RFX3: variants seen among roughly 807,000 people sequenced by gnomAD.
RFX3 encodes the protein transcription factor RFX3.
RFX3 carries 14 observed loss-of-function variants against 98.6 expected under a neutral mutation model. The observed-to-expected ratio is 0.14, with a 90% CI of 0.09 to 0.22. The LOEUF is 0.22. RFX3 is among the 10% of genes least tolerant of loss of function. The pLI is 1.00. For synonymous variants in RFX3, 383 were observed against 328.4 expected, an observed-to-expected ratio of 1.17 and a Z score of -1.80; for missense variants, 639 against 926.9, an observed-to-expected ratio of 0.69 and a Z score of 4.03.
At chr9:3,393,701 G>T (rs1164960662) in intron 2 of RFX3, among the ~76,000 whole-genome samples, 2 of 147,268 alleles carry the variant, frequency 1.4e-5, no homozygotes, top group Admixed American at 1.3e-4. Context: ...TCACCATTGT[G>T]AAGATTCATT....
intron 12 of RFX3, among the ~76,000 whole-genome samples, chr9:3,263,463 G>C (rs1192454741): frequency 6.6e-6 from 1 of 151,932 alleles, no homozygotes; most frequent in Non-Finnish European, 1.5e-5. Flanking sequence ...GTAGAAACTA[G>C]GCAAATTTTA....
intron 6 of RFX3, among the ~76,000 whole-genome samples, chr9:3,288,877 T>C (rs1826974414): frequency 6.6e-6 from 1 of 152,104 alleles, no homozygotes; most frequent in Non-Finnish European, 1.5e-5. Flanking sequence ...GTTTCTGTTT[T>C]TATGGATTTG....
chr9:3,314,699 CA>C (rs950716224), intron 4 of RFX3, among the ~76,000 whole-genome samples: 2,889 of 142,988 alleles, frequency 0.02, 43 homozygotes, highest in African/African-American at 0.031. Context: ...AAATGGAAAA[CA>C]AAAAAAAAAG....
intron 1 of RFX3, among the ~76,000 whole-genome samples, chr9:3,469,944 C>T (rs1243361000): frequency 1.3e-5 from 2 of 152,028 alleles, no homozygotes; most frequent in African/African-American, 4.8e-5. Context: ...CTCCAAGATG[C>T]TGATTTGCCA....
At chr9:3,266,533 G>A (rs561266304) in intron 11 of RFX3, among the ~76,000 whole-genome samples, 3 of 151,796 alleles carry the variant, frequency 2.0e-5, no homozygotes, top group East Asian at 3.9e-4. Context: ...TACTTATGAC[G>A]CTTTTTTGGG....
chr9:3,485,674 C>G (rs565517631), intron 1 of RFX3, among the ~76,000 whole-genome samples: 9 of 152,242 alleles, frequency 5.9e-5, no homozygotes, highest in African/African-American at 2.2e-4. Context: ...TAATTTTTAT[C>G]TTAGTTTATC....
At chr9:3,332,114 T>C (rs556745967) in intron 3 of RFX3, among the ~76,000 whole-genome samples, 1 of 152,336 alleles carries the variant, frequency 6.6e-6, no homozygotes, top group East Asian at 1.9e-4. Context: ...AATTTTCCAA[T>C]TCTCTTTTCC....
intron 1 of RFX3, among the ~76,000 whole-genome samples, chr9:3,405,052 T>C (rs971875155): frequency 6.6e-6 from 1 of 152,222 alleles, no homozygotes; most frequent in African/African-American, 2.4e-5. Context: ...CTCATTGTAC[T>C]ATCAAATTAC....
chr9:3,518,752 G>A (rs1372378185), intron 1 of RFX3, among the ~76,000 whole-genome samples: 4 of 152,068 alleles, frequency 2.6e-5, no homozygotes, highest in African/African-American at 7.2e-5. Context: ...GAAGCCACAG[G>A]TGATATATTT....
At chr9:3,265,539 T>C (rs1287327188) in intron 12 of RFX3, among the ~76,000 whole-genome samples, 1 of 152,164 alleles carries the variant, frequency 6.6e-6, no homozygotes, top group Non-Finnish European at 1.5e-5. Flanking sequence ...GTTACCAACA[T>C]TTAAATAAAA....
At chr9:3,490,817 A>T (rs1291559584) in intron 1 of RFX3, among the ~76,000 whole-genome samples, 1 of 152,128 alleles carries the variant, frequency 6.6e-6, no homozygotes, top group Non-Finnish European at 1.5e-5. Flanking sequence ...AGTTTTATAG[A>T]AATTTTTAAA....
intron 1 of RFX3, among the ~76,000 whole-genome samples, chr9:3,508,984 G>A (rs923421827): frequency 6.6e-6 from 1 of 151,530 alleles, no homozygotes; most frequent in Non-Finnish European, 1.5e-5. Flanking sequence ...CACAGAAAGA[G>A]AGACACAGAG....
chr9:3,308,777 T>C (rs1186802510), intron 4 of RFX3, among the ~76,000 whole-genome samples: 1 of 152,114 alleles, frequency 6.6e-6, no homozygotes, highest in Non-Finnish European at 1.5e-5. Flanking sequence ...TGACTGTTGC[T>C]GTGAGTGAGT....
chr9:3,426,143 A>G (rs970648292), intron 1 of RFX3, among the ~76,000 whole-genome samples: 9 of 152,142 alleles, frequency 5.9e-5, no homozygotes, highest in Non-Finnish European at 1.2e-4. Context: ...TTTACTTTTA[A>G]GCACAAAAGA....
chr9:3,261,273 C>T (rs890091645), intron 13 of RFX3, among the ~76,000 whole-genome samples: 3 of 151,886 alleles, frequency 2.0e-5, no homozygotes, highest in African/African-American at 7.2e-5. Context: ...AAAAATAAAC[C>T]CCATGACTCT....
chr9:3,286,213 G>A (rs568807262), intron 7 of RFX3, among the ~76,000 whole-genome samples: 77 of 151,822 alleles, frequency 5.1e-4, no homozygotes, highest in African/African-American at 1.8e-3. Context: ...AAAAGTAAAG[G>A]CTACAAGTGC....
intron 13 of RFX3, among the ~76,000 whole-genome samples, chr9:3,260,527 C>A (rs1440979903): frequency 6.6e-6 from 1 of 151,728 alleles, no homozygotes; most frequent in Non-Finnish European, 1.5e-5. Flanking sequence ...ATAAATAATT[C>A]TTTAAAATGT....
At chr9:3,338,399 C>A (rs1833451075) in intron 3 of RFX3, among the ~76,000 whole-genome samples, 1 of 152,176 alleles carries the variant, frequency 6.6e-6, no homozygotes, top group African/African-American at 2.4e-5. Flanking sequence ...ACTGAGTTTT[C>A]TCCTTCATGT....
At chr9:3,389,668 G>A (rs1180394082) in intron 2 of RFX3, among the ~76,000 whole-genome samples, 1 of 151,952 alleles carries the variant, frequency 6.6e-6, no homozygotes, top group Non-Finnish European at 1.5e-5. Context: ...CCGACCTCAA[G>A]TAATAGCCTG....
Sources: gnomAD v4.1 joint callset for allele counts (sites outside exome capture counted in the v4.1 genomes callset) on GRCh38, gnomAD v4.1.1 for gene constraint, MANE v1.5 for transcripts, NCBI Gene and HGNC (gene_info 2026-07-23, HGNC 2026-07-21) for gene names.